Variants in RCAN2 observed in about 807,000 individuals in gnomAD.
RCAN2 encodes regulator of calcineurin 2, also known as calcipressin-2.
Under a neutral mutation model 23.6 loss-of-function variants are expected in RCAN2, and 9 were observed. That is an observed-to-expected ratio of 0.38 (90% CI 0.23 to 0.67). The LOEUF is 0.67. RCAN2 is among the 30% of genes least tolerant of loss of function. The pLI is 0.51. For missense variants in RCAN2, 273 were observed against 302.3 expected (o/e 0.90, Z 0.72); for synonymous variants, 109 against 115.7 (o/e 0.94, Z 0.37).
At chr6:46,415,437 G>A (rs1766680677) in intron 2 of RCAN2, among the ~76,000 whole-genome samples, 1 of 152,192 alleles carries the variant, frequency 6.6e-6, no homozygotes, top group Non-Finnish European at 1.5e-5. Flanking sequence ...GGGACACAGG[G>A]TGTTAAGTTC....
At chr6:46,229,096 C>T (rs948784948) in intron 4 of RCAN2, among the ~76,000 whole-genome samples, 19 of 152,168 alleles carry the variant, frequency 1.2e-4, no homozygotes, top group Admixed American at 2.0e-4. Context: ...TGAATATTGG[C>T]GCCCACTCTC....
chr6:46,314,787 G>A (rs933033105), intron 2 of RCAN2, among the ~76,000 whole-genome samples: 4 of 152,108 alleles, frequency 2.6e-5, no homozygotes, highest in Admixed American at 1.3e-4. Context: ...ATTCTGTGTG[G>A]GTGTGGTCGC....
chr6:46,269,499 T>C (rs1767452572), intron 2 of RCAN2, among the ~76,000 whole-genome samples: 1 of 152,262 alleles, frequency 6.6e-6, no homozygotes, highest in African/African-American at 2.4e-5. Flanking sequence ...TAGCTCTGAA[T>C]ACTCTAGGTC....
intron 2 of RCAN2, among the ~76,000 whole-genome samples, chr6:46,353,282 C>T (rs138444664): frequency 7.2e-4 from 109 of 152,146 alleles, no homozygotes; most frequent in African/African-American, 2.5e-3. Flanking sequence ...CAAGGTACAA[C>T]AATTGCAAAT....
At chr6:46,371,473 A>C (rs1192763670) in intron 2 of RCAN2, among the ~76,000 whole-genome samples, 1 of 152,194 alleles carries the variant, frequency 6.6e-6, no homozygotes, top group African/African-American at 2.4e-5. Context: ...ACCACCCAAC[A>C]TCATGAGCAA....
intron 2 of RCAN2, among the ~76,000 whole-genome samples, chr6:46,330,395 C>A (rs909032400): frequency 6.6e-6 from 1 of 152,236 alleles, no homozygotes; most frequent in African/African-American, 2.4e-5. Flanking sequence ...CTTCCATACT[C>A]ACTCCAGATT....
chr6:46,233,367 T>C (rs755111761), intron 4 of RCAN2, among the ~76,000 whole-genome samples: 2 of 152,212 alleles, frequency 1.3e-5, no homozygotes, highest in Admixed American at 6.5e-5. Flanking sequence ...TTTTTATGTA[T>C]AGAATTTTTT....
chr6:46,279,854 C>T (rs917091307), intron 2 of RCAN2, among the ~76,000 whole-genome samples: 4 of 152,246 alleles, frequency 2.6e-5, no homozygotes, highest in South Asian at 2.1e-4. Context: ...TGAGATAATG[C>T]ACAAGATGTG....
intron 2 of RCAN2, among the ~76,000 whole-genome samples, chr6:46,266,019 C>T (rs1039814343): frequency 2.6e-5 from 4 of 152,166 alleles, no homozygotes; most frequent in African/African-American, 7.2e-5. Context: ...TTATGGATAA[C>T]AGATCAGCGG....
chr6:46,488,237 C>CA (rs1216785923), intron 1 of RCAN2, among the ~76,000 whole-genome samples: 3 of 152,334 alleles, frequency 2.0e-5, no homozygotes, highest in Middle Eastern at 3.4e-3. Flanking sequence ...GCACGTCTTA[C>CA]AAACTGTGTG....
chr6:46,371,034 G>T (rs1356426120), intron 2 of RCAN2, among the ~76,000 whole-genome samples: 2 of 152,174 alleles, frequency 1.3e-5, no homozygotes, highest in Admixed American at 6.5e-5. Context: ...AGTAGAAGGG[G>T]ACAGTGCATA....
intron 2 of RCAN2, among the ~76,000 whole-genome samples, chr6:46,347,903 C>G (rs1282783556): frequency 6.6e-6 from 1 of 152,188 alleles, no homozygotes; most frequent in Non-Finnish European, 1.5e-5. Context: ...TCAGAGAGAA[C>G]AAAAGCCATT....
intron 2 of RCAN2, among the ~76,000 whole-genome samples, chr6:46,431,592 G>A (rs1031672330): frequency 7.9e-5 from 12 of 152,282 alleles, no homozygotes; most frequent in African/African-American, 2.9e-4. Context: ...TCCTAGAGAT[G>A]CTCCAAGTGA....
At chr6:46,330,753 T>G (rs1013327569) in intron 2 of RCAN2, among the ~76,000 whole-genome samples, 1 of 152,240 alleles carries the variant, frequency 6.6e-6, no homozygotes, top group Non-Finnish European at 1.5e-5. Flanking sequence ...CTCCATTTCT[T>G]TTTCTAATTC....
At chr6:46,231,449 G>A (rs1288410668) in intron 4 of RCAN2, among the ~76,000 whole-genome samples, 1 of 149,856 alleles carries the variant, frequency 6.7e-6, no homozygotes, top group Non-Finnish European at 1.5e-5. Flanking sequence ...CTGCTCTGCT[G>A]CCCAGGCTGG....
intron 1 of RCAN2, 117 bp from the exon 2 acceptor site, chr6:46,457,095 G>T: frequency 1.5e-6 from 1 of 664,020 alleles, no homozygotes; most frequent in Non-Finnish European, 2.6e-6. Context: ...AGGAGCAGAG[G>T]CAGGGGATAT....
intron 2 of RCAN2, among the ~76,000 whole-genome samples, chr6:46,251,021 AC>A (rs545247785): frequency 1.5e-3 from 229 of 152,166 alleles, no homozygotes; most frequent in African/African-American, 5.3e-3. Context: ...CAGTCCAAGG[AC>A]CCCAAAGAAT....
intron 2 of RCAN2, among the ~76,000 whole-genome samples, chr6:46,319,233 T>C (rs1225471280): frequency 6.6e-6 from 1 of 152,174 alleles, no homozygotes; most frequent in Non-Finnish European, 1.5e-5. Context: ...GTGTTTCAGG[T>C]ATCATTTTCT....
intron 4 of RCAN2, among the ~76,000 whole-genome samples, chr6:46,238,261 T>C (rs1198851325): frequency 6.6e-6 from 1 of 152,200 alleles, no homozygotes; most frequent in Non-Finnish European, 1.5e-5. Flanking sequence ...CACTCTTCTT[T>C]CTGCACACAT....
Sources: allele counts gnomAD v4.1 joint callset (sites outside exome capture counted in the v4.1 genomes callset), GRCh38; gene constraint gnomAD v4.1.1; transcripts MANE v1.5; gene names NCBI Gene and HGNC (gene_info 2026-07-23, HGNC 2026-07-21).